The following RPH3AL variants were observed in gnomAD, a reference collection of about 807,000 sequenced individuals.
RPH3AL encodes rabphilin 3A like (without C2 domains), also known as rab effector Noc2.
RPH3AL carries 38 observed loss-of-function variants against 43.1 expected under a neutral mutation model. The ratio of observed to expected loss-of-function variants is 0.88; its 90% CI spans 0.68 to 1.15. RPH3AL has a LOEUF of 1.15. RPH3AL is among the 50% of genes most tolerant of loss of function. The probability of loss-of-function intolerance (pLI) is 0.00; values close to 1 mark genes in which losing one functional copy is unlikely to be tolerated. For missense variants in RPH3AL, 462 were observed against 423.2 expected, an observed-to-expected ratio of 1.09 and a Z score of -0.81; for synonymous variants, 189 against 176.3, an observed-to-expected ratio of 1.07 and a Z score of -0.57.
chr17:273,823 G>C (rs2042588794), intron 6 of RPH3AL, among the ~76,000 whole-genome samples: 1 of 152,208 alleles, frequency 6.6e-6, no homozygotes, highest in African/African-American at 2.4e-5. Context: ...GCGGGAAATT[G>C]AGGAGGCAAA....
chr17:329,095 C>T lies in RPH3AL; in HGVS notation c.-36-1516G>A, dbSNP rs375514117. 7.2e-5 allele frequency among the ~76,000 whole-genome samples: 11 copies of T among 152,136 alleles called. No homozygotes were observed. The East Asian group carries it at 1.9e-3, about 27-fold the overall frequency. On this transcript the variant is annotated intron_variant, in intron 2 of 9. Transcript: ENST00000331302. ...CAAGAATACACTAAAACCACTGAAT[C>T]GCACCCTTTAAAAGTGTGAATTTTA...
At position 305,723 on chromosome 17, in the gene RPH3AL, C is replaced by A. The variant is rs184210241; in HGVS notation, c.351+13697G>T. Among the ~76,000 whole-genome samples the A allele has an allele frequency of 4.5e-3, 692 of 152,230 alleles. 8 individuals carry two copies. The highest frequency in any genetic ancestry group is 0.016 in the African/African-American group (663 of 41,536). On this transcript the variant is annotated intron_variant, in intron 5 of 9. Transcript: ENST00000331302. ...ACACCTGGTGGGCTCCTCTCCTCAA[C>A]CTGGGCCCACATTCTCTCCCAGGTT...
chr17:269,028 G>A (rs897782596), intron 6 of RPH3AL, among the ~76,000 whole-genome samples: 23 of 152,044 alleles, frequency 1.5e-4, no homozygotes, highest in South Asian at 4.2e-4. Flanking sequence ...ACAGGCGCCC[G>A]CCACCACGCC....
intron 1 of RPH3AL, among the ~76,000 whole-genome samples, chr17:345,675 TGCGC>T: frequency 2.7e-5 from 2 of 75,234 alleles, no homozygotes; most frequent in Non-Finnish European, 3.6e-5. Flanking sequence ...GCTCCCCATC[TGCGC>T]GCACACCCTG....
chr17:266,203 G>GGTGTGTGTGTGT (rs35841649), intron 6 of RPH3AL, among the ~76,000 whole-genome samples: 68 of 148,706 alleles, frequency 4.6e-4, no homozygotes, highest in African/African-American at 1.6e-3. Context: ...AGGCCCCAGT[G>GGTGTGTGTGTGT]GTGTGTGTGT....
chr17:296,622 G>A (rs909704951), intron 5 of RPH3AL, among the ~76,000 whole-genome samples: 11 of 152,176 alleles, frequency 7.2e-5, no homozygotes, highest in African/African-American at 2.7e-4. Context: ...CCGATGGCTC[G>A]CCATGGCCAC....
intron 6 of RPH3AL, among the ~76,000 whole-genome samples, chr17:253,253 G>C (rs1317036678): frequency 2.0e-5 from 3 of 152,184 alleles, no homozygotes; most frequent in African/African-American, 7.2e-5. Flanking sequence ...CTCACGCCCA[G>C]CCAGTCAAGG....
intron 6 of RPH3AL, among the ~76,000 whole-genome samples, chr17:257,921 G>A (rs147238646): frequency 1.0e-5 from 1 of 99,330 alleles, no homozygotes; most frequent in Non-Finnish European, 2.2e-5. Context: ...TACTTCCTAT[G>A]AGGGGAGTCG....
At position 345,192 on chromosome 17, in the gene RPH3AL, T is replaced by C. The variant is rs1040775947; in HGVS notation, c.-213+7520A>G. ...TACTTGGGAGGCTGAGGTAGGAGGG[T>C]CACCTGAGCCTGGGGAGGTTAAGCC... On this transcript the variant is annotated intron_variant, in intron 1 of 9. Coordinates refer to ENST00000331302, the MANE Select transcript of RPH3AL (RefSeq NM_006987.4). Among the ~76,000 whole-genome samples, 33 of 134,100 alleles carry C rather than the reference T, an allele frequency of 2.5e-4. 4 individuals carry two copies. The highest frequency in any genetic ancestry group is 8.4e-4 in the African/African-American group (33 of 39,076). 88.0% of individuals were successfully genotyped at this position (134,100 alleles called of 152,430 possible).
At position 273,404 on chromosome 17, in the gene RPH3AL, T is replaced by C. The variant is rs368090025; in HGVS notation, c.438+8364A>G. On this transcript the variant is annotated intron_variant, in intron 6 of 9. Coordinates refer to ENST00000331302, the MANE Select transcript of RPH3AL (RefSeq NM_006987.4). ...CGTCAGGGAGAGACCCCAGCGAGGG[T>C]GACGTCAGGGTGAGACCCCGGCGAG... Among the ~76,000 whole-genome samples the C allele has an allele frequency of 9.4e-3, 23 of 2,446 alleles. 1 individual carries two copies. Among genetic ancestry groups the C allele is most frequent in the African/African-American group, 0.028 (14 of 504 alleles). 1.6% of individuals were successfully genotyped at this position (2,446 alleles called of 152,430 possible).
intron 5 of RPH3AL, among the ~76,000 whole-genome samples, chr17:286,915 T>C (rs2042928493): frequency 7.1e-6 from 1 of 140,986 alleles, no homozygotes; most frequent in African/African-American, 2.7e-5. Context: ...TCGCACCCTC[T>C]CTCTCCACCG....
intron 1 of RPH3AL, among the ~76,000 whole-genome samples, chr17:344,537 C>T (rs2045201343): frequency 7.5e-6 from 1 of 133,986 alleles, no homozygotes; most frequent in East Asian, 2.4e-4. Flanking sequence ...TCATCACCAT[C>T]ATCATGATCA....
At chr17:315,123 T>C (rs112437705) in intron 5 of RPH3AL, among the ~76,000 whole-genome samples, 1,335 of 122,042 alleles carry the variant, frequency 0.011, 5 homozygotes, top group South Asian at 0.017. Flanking sequence ...CATTGACCTG[T>C]AGTCTCTGTG....
intron 5 of RPH3AL, among the ~76,000 whole-genome samples, chr17:282,550 C>T (rs2042807343): frequency 1.3e-5 from 2 of 152,138 alleles, no homozygotes; most frequent in Admixed American, 6.5e-5. Context: ...AGACCCCACG[C>T]CTGGGAGCTT....
At chr17:298,889 G>T (rs1356107432) in intron 5 of RPH3AL, among the ~76,000 whole-genome samples, 1 of 152,060 alleles carries the variant, frequency 6.6e-6, no homozygotes, top group Non-Finnish European at 1.5e-5. Flanking sequence ...GGGACGGCAG[G>T]TCGGGGCCGG....
At chr17:218,202 T>C (rs1464359541) in intron 8 of RPH3AL, among the ~76,000 whole-genome samples, 1 of 146,578 alleles carries the variant, frequency 6.8e-6, no homozygotes, top group Admixed American at 6.9e-5. Context: ...TGCGCTAAAA[T>C]TGGCCTCACT....
At chr17:236,044 C>T (rs577796083) in intron 7 of RPH3AL, among the ~76,000 whole-genome samples, 10 of 140,128 alleles carry the variant, frequency 7.1e-5, no homozygotes, top group African/African-American at 5.3e-5. Context: ...ACTAACAAGA[C>T]GGGGGTCCCA....
At chr17:350,798 A>G (rs2045339268) in intron 1 of RPH3AL, among the ~76,000 whole-genome samples, 2 of 152,198 alleles carry the variant, frequency 1.3e-5, no homozygotes, top group Non-Finnish European at 2.9e-5. Flanking sequence ...GATGGATGAA[A>G]TCTTGGCCTG....
intron 5 of RPH3AL, among the ~76,000 whole-genome samples, chr17:304,737 T>C (rs2043421106): frequency 1.3e-5 from 2 of 152,222 alleles, no homozygotes; most frequent in East Asian, 1.9e-4. Context: ...TGAATTTTCA[T>C]GCCACGTGAC....
Sources: gnomAD v4.1 joint callset for allele counts (sites outside exome capture counted in the v4.1 genomes callset) on GRCh38, gnomAD v4.1.1 for gene constraint, MANE v1.5 for transcripts, NCBI Gene and HGNC (gene_info 2026-07-23, HGNC 2026-07-21) for gene names.